GRM7: variants seen among roughly 807,000 people sequenced by gnomAD.
GRM7 encodes glutamate metabotropic receptor 7.
Under a neutral mutation model 84.5 loss-of-function variants are expected in GRM7, and 35 were observed. The ratio of observed to expected loss-of-function variants is 0.41; its 90% CI spans 0.32 to 0.55. The LOEUF (loss-of-function observed/expected upper bound fraction) is 0.55. Ranked by LOEUF, GRM7 falls within the 20% of genes least tolerant of loss-of-function variation. The probability of loss-of-function intolerance (pLI) is 0.19; values close to 1 mark genes in which losing one functional copy is unlikely to be tolerated. For missense variants in GRM7, 1,003 were observed against 1,194.6 expected (o/e 0.84, Z 2.36); for synonymous variants, 487 against 455.1 (o/e 1.07, Z -0.89).
At chr3:7,253,113 G>A (rs944918899) in intron 2 of GRM7, among the ~76,000 whole-genome samples, 1 of 150,510 alleles carries the variant, frequency 6.6e-6, no homozygotes, top group African/African-American at 2.4e-5. Context: ...ATGGCTGTAT[G>A]GATACACCAT....
intron 7 of GRM7, among the ~76,000 whole-genome samples, chr3:7,526,837 G>A (rs1325364985): frequency 6.6e-6 from 1 of 151,904 alleles, no homozygotes; most frequent in Non-Finnish European, 1.5e-5. Flanking sequence ...GTTGATTGTA[G>A]GTGTGTGGCT....
chr3:7,680,082 A>G lies in GRM7; in HGVS notation c.2485A>G (p.Met829Val). Residue 829 changes from methionine to valine, a missense_variant, in exon 9 of 10, where the codon ATG (methionine) becomes GTG (valine). Physicochemically the swap from Met to Val is conservative, Grantham distance 21. Coordinates refer to ENST00000357716, the MANE Select transcript of GRM7 (RefSeq NM_000844.4). ...ACAAACTACCACGCTTACAATCTCC[A>G]TGAACCTAAGTGCATCAGTGGCGCT... ...YIQTTTLTIS[M>V]NLSASVALGM... The G allele has an allele frequency of 6.2e-7, 1 of 1,613,702 alleles. No individual in the cohort carries two copies. Among genetic ancestry groups the G allele is most frequent in the Non-Finnish European group, 8.5e-7 (1 of 1,179,626 alleles).
At chr3:7,261,765 T>A (rs1698430573) in intron 2 of GRM7, among the ~76,000 whole-genome samples, 1 of 152,198 alleles carries the variant, frequency 6.6e-6, no homozygotes, top group African/African-American at 2.4e-5. Flanking sequence ...TCTTTCAGGA[T>A]CTCTTGCAAG....
intron 1 of GRM7, among the ~76,000 whole-genome samples, chr3:6,902,554 G>A (rs147972117): frequency 4.2e-4 from 64 of 152,102 alleles, no homozygotes; most frequent in African/African-American, 1.4e-3. Flanking sequence ...GAATAAACTT[G>A]TTCTATTATC....
intron 1 of GRM7, among the ~76,000 whole-genome samples, chr3:7,141,038 A>G (rs1034706917): frequency 8.5e-5 from 13 of 152,074 alleles, no homozygotes; most frequent in Non-Finnish European, 1.9e-4. Context: ...TTGTTTCAAG[A>G]TAAGAAATTA....
intron 1 of GRM7, among the ~76,000 whole-genome samples, chr3:7,057,302 CT>C (rs1203906486): frequency 6.6e-6 from 1 of 151,894 alleles, no homozygotes; most frequent in Non-Finnish European, 1.5e-5. Context: ...CTGTTTACCC[CT>C]GTATTTATAC....
At chr3:7,673,317 C>T (rs73810884) in intron 8 of GRM7, among the ~76,000 whole-genome samples, 2,748 of 152,274 alleles carry the variant, frequency 0.018, 87 homozygotes, top group African/African-American at 0.063. Context: ...CTTCAAGTGT[C>T]GAACTTTCTG....
intron 2 of GRM7, among the ~76,000 whole-genome samples, chr3:7,266,327 G>A (rs1263871505): frequency 6.6e-6 from 1 of 152,174 alleles, no homozygotes; most frequent in Non-Finnish European, 1.5e-5. Context: ...AATATACCAT[G>A]CTTGACAGTC....
chr3:7,609,437 G>C (rs1201977649), intron 8 of GRM7, among the ~76,000 whole-genome samples: 1 of 152,156 alleles, frequency 6.6e-6, no homozygotes, highest in Non-Finnish European at 1.5e-5. Context: ...CTTGGAGATT[G>C]CTGGAACGAT....
intron 5 of GRM7, among the ~76,000 whole-genome samples, chr3:7,417,028 A>G (rs1360965236): frequency 1.3e-5 from 2 of 151,988 alleles, no homozygotes; most frequent in Non-Finnish European, 2.9e-5. Flanking sequence ...GACTTCTATG[A>G]GCTTAAACAC....
At chr3:7,064,105 A>G (rs907454332) in intron 1 of GRM7, among the ~76,000 whole-genome samples, 9 of 150,838 alleles carry the variant, frequency 6.0e-5, no homozygotes, top group Non-Finnish European at 1.3e-4. Context: ...TATTCTTTTC[A>G]TAAGTTATTG....
At chr3:7,050,409 T>C (rs1696951052) in intron 1 of GRM7, among the ~76,000 whole-genome samples, 1 of 151,908 alleles carries the variant, frequency 6.6e-6, no homozygotes, top group Non-Finnish European at 1.5e-5. Context: ...CTCAAAGTCA[T>C]AAGCTTCGTA....
At chr3:6,873,076 C>G (rs530222272) in intron 1 of GRM7, among the ~76,000 whole-genome samples, 12 of 152,268 alleles carry the variant, frequency 7.9e-5, no homozygotes, top group Admixed American at 7.9e-4. Flanking sequence ...TTCACTCCCA[C>G]CAACATTTTT....
At chr3:7,249,900 C>A (rs893797476) in intron 2 of GRM7, among the ~76,000 whole-genome samples, 6 of 152,022 alleles carry the variant, frequency 3.9e-5, no homozygotes, top group Non-Finnish European at 7.4e-5. Flanking sequence ...GAGATTGGTA[C>A]CAGGTGATAC....
At chr3:7,255,286 C>T (rs1472526941) in intron 2 of GRM7, among the ~76,000 whole-genome samples, 4 of 152,212 alleles carry the variant, frequency 2.6e-5, no homozygotes, top group African/African-American at 7.2e-5. Context: ...TGCTCTTAGA[C>T]TCTGGAACTG....
chr3:7,202,933 T>A (rs1392572438), intron 2 of GRM7, among the ~76,000 whole-genome samples: 1 of 152,154 alleles, frequency 6.6e-6, no homozygotes, highest in Non-Finnish European at 1.5e-5. Context: ...TATTCTTTCA[T>A]TGACACATAA....
intron 1 of GRM7, among the ~76,000 whole-genome samples, chr3:7,097,206 T>C (rs903087016): frequency 3.9e-5 from 6 of 152,040 alleles, no homozygotes; most frequent in Non-Finnish European, 7.4e-5. Context: ...GGGAGCCCTG[T>C]CCCTGTCACT....
chr3:7,027,956 A>AT (rs960449811), intron 1 of GRM7, among the ~76,000 whole-genome samples: 5 of 152,092 alleles, frequency 3.3e-5, no homozygotes, highest in African/African-American at 9.7e-5. Flanking sequence ...CCTCAAAAGA[A>AT]TTTTTTTGTC....
Position 6,993,840 on chromosome 3 carries a change from C to T in GRM7, c.519+131933C>T, listed in dbSNP as rs185538807. ...CTTTAATTTATGTTCTTCCATGGCACACAGAAGGAAGTCAGCAGAAAATAG... is the reference window on the plus strand; with the variant it reads ...CTTTAATTTATGTTCTTCCATGGCATACAGAAGGAAGTCAGCAGAAAATAG... On this transcript the variant is annotated intron_variant, in intron 1 of 9. Transcript: ENST00000357716. Among the ~76,000 whole-genome samples, 179 of 152,156 alleles carry T rather than the reference C, an allele frequency of 1.2e-3. 1 individual carries two copies. The highest frequency in any genetic ancestry group is 1.0e-3 in the Non-Finnish European group (70 of 68,012).
Sources: gnomAD v4.1 joint callset for allele counts (sites outside exome capture counted in the v4.1 genomes callset) on GRCh38, gnomAD v4.1.1 for gene constraint, MANE v1.5 for transcripts, NCBI Gene and HGNC (gene_info 2026-07-23, HGNC 2026-07-21) for gene names.